NMNAT2: variants seen among roughly 807,000 people sequenced by gnomAD.
NMNAT2 encodes nicotinamide/nicotinic acid mononucleotide adenylyltransferase 2.
Under a neutral mutation model 41.6 loss-of-function variants are expected in NMNAT2, and 11 were observed. That is an observed-to-expected ratio of 0.26 (90% confidence interval 0.17 to 0.44). NMNAT2 has a LOEUF of 0.44. Ranked by LOEUF, NMNAT2 falls within the 20% of genes least tolerant of loss-of-function variation. The pLI is 1.00. For missense variants in NMNAT2, 288 were observed against 407.7 expected (o/e 0.71, Z 2.53); for synonymous variants, 148 against 151.2 (o/e 0.98, Z 0.16).
chr1:183,326,915 G>A (rs1305635907), intron 1 of NMNAT2, among the ~76,000 whole-genome samples: 1 of 152,094 alleles, frequency 6.6e-6, no homozygotes, highest in East Asian at 1.9e-4. Flanking sequence ...GACTGGGAGA[G>A]GACCAAGAAA....
chr1:183,401,932 A>AG, intron 1 of NMNAT2, among the ~76,000 whole-genome samples: 1 of 66,796 alleles, frequency 1.5e-5, no homozygotes, highest in African/African-American at 5.8e-5. Context: ...GGGTTGGGGG[A>AG]GGGGGGAGGG....
At chr1:183,356,791 A>C (rs771919826) in intron 1 of NMNAT2, among the ~76,000 whole-genome samples, 2 of 152,236 alleles carry the variant, frequency 1.3e-5, no homozygotes, top group Non-Finnish European at 2.9e-5. Context: ...TAGAAGATAG[A>C]GTTTTCTAAA....
In NMNAT2 at chr1:183,287,639, T is replaced by C. The variant is rs562351074; in HGVS notation, c.322-851A>G. Among the ~76,000 whole-genome samples, 18 of 152,332 alleles carry C rather than the reference T, an allele frequency of 1.2e-4. No individual in the cohort carries two copies. The East Asian group carries it at 3.5e-3, about 29-fold the overall frequency. On this transcript the variant is annotated intron_variant, in intron 4 of 10. Transcript: ENST00000287713. ...GGGCCAAGGTGATGGGGAGAGTAGC[T>C]GTTGGGCAACAGAGAAACAAAGGAC...
In NMNAT2 at chr1:183,293,136, G is replaced by T. The variant is rs111648438; in HGVS notation, c.175-279C>A. 1.3e-3 allele frequency among the ~76,000 whole-genome samples: 193 copies of T among 152,308 alleles called. 1 individual carries two copies. The highest frequency in any genetic ancestry group is 4.4e-3 in the African/African-American group (181 of 41,558). On this transcript the variant is annotated intron_variant, in intron 2 of 10. Coordinates refer to ENST00000287713, the MANE Select transcript of NMNAT2 (RefSeq NM_015039.4). Reference sequence around the variant, plus strand: ...CAGCCCCTGTGTGCCCTGCAGAGATGAGACTTAACTCAGCAAATGTGGCCT... The same window carrying T: ...CAGCCCCTGTGTGCCCTGCAGAGATTAGACTTAACTCAGCAAATGTGGCCT...
intron 6 of NMNAT2, among the ~76,000 whole-genome samples, 192 bp from the exon 7 acceptor site, chr1:183,284,231 G>A (rs539514815): frequency 6.6e-6 from 1 of 152,290 alleles, no homozygotes; most frequent in East Asian, 1.9e-4. Flanking sequence ...CTTTCCTCCC[G>A]CTCCAGGAGC....
At chr1:183,406,668 A>G (rs1173971882) in intron 1 of NMNAT2, among the ~76,000 whole-genome samples, 2 of 152,212 alleles carry the variant, frequency 1.3e-5, no homozygotes, top group Admixed American at 1.3e-4. Flanking sequence ...CAAACTTAAC[A>G]ATCAATAAAC....
At chr1:183,260,508 G>A (rs1161840632) in intron 10 of NMNAT2, among the ~76,000 whole-genome samples, 1 of 151,996 alleles carries the variant, frequency 6.6e-6, no homozygotes, top group Non-Finnish European at 1.5e-5. Flanking sequence ...CTAATGGACT[G>A]TCCTCCCTTT....
Position 183,412,085 on chromosome 1 carries a change from T to C in NMNAT2, c.85+6098A>G, listed in dbSNP as rs545874523. ...GGGTGGAGGTGGGGGGCAGAGTGGC[T>C]GATCATGGAGGCCTGTAGGCCATGA... On this transcript the variant is annotated intron_variant, in intron 1 of 10. Transcript: ENST00000287713. Among the ~76,000 whole-genome samples the C allele has an allele frequency of 3.3e-5, 5 of 152,328 alleles. No homozygotes were observed. The East Asian group carries it at 5.8e-4, about 18-fold the overall frequency.
intron 5 of NMNAT2, 93 bp from the exon 6 acceptor site, chr1:183,284,883 C>T (rs1316442137): frequency 4.2e-6 from 4 of 963,646 alleles, no homozygotes; most frequent in Non-Finnish European, 6.8e-6. Context: ...CCGCTGTAAA[C>T]ATCAGGGTGC....
At chr1:183,310,331 T>C (rs1422209009) in intron 1 of NMNAT2, among the ~76,000 whole-genome samples, 1 of 152,156 alleles carries the variant, frequency 6.6e-6, no homozygotes, top group Non-Finnish European at 1.5e-5. Context: ...AAATGCAGAG[T>C]ACAACATCAT....
intron 1 of NMNAT2, among the ~76,000 whole-genome samples, chr1:183,408,092 C>T (rs2702187): frequency 0.035 from 5,259 of 152,268 alleles, 223 homozygotes; most frequent in African/African-American, 0.11. Context: ...GAAAATTGTT[C>T]GTTAAACAGT....
At chr1:183,358,981 C>T (rs143267156) in intron 1 of NMNAT2, among the ~76,000 whole-genome samples, 6 of 152,108 alleles carry the variant, frequency 3.9e-5, no homozygotes, top group South Asian at 2.1e-4. Flanking sequence ...TGAGCAGATA[C>T]GCCAACAGAA....
At chr1:183,318,185 A>T (rs1345150062) in intron 1 of NMNAT2, among the ~76,000 whole-genome samples, 4 of 151,782 alleles carry the variant, frequency 2.6e-5, no homozygotes, top group Admixed American at 6.6e-5. Context: ...TCTCTGCCTC[A>T]CCTCCCCAGC....
chr1:183,331,559 T>C (rs1465307388), intron 1 of NMNAT2, among the ~76,000 whole-genome samples: 4 of 152,208 alleles, frequency 2.6e-5, no homozygotes, highest in African/African-American at 9.6e-5. Flanking sequence ...AGTCTTTCTT[T>C]TTCCAACTCC....
At chr1:183,317,762 AC>A (rs1662283811) in intron 1 of NMNAT2, among the ~76,000 whole-genome samples, 1 of 152,048 alleles carries the variant, frequency 6.6e-6, no homozygotes, top group Non-Finnish European at 1.5e-5. Flanking sequence ...GGATTCATGA[AC>A]CCCCACCCAA....
chr1:183,320,622 T>C (rs1255600140), intron 1 of NMNAT2, among the ~76,000 whole-genome samples: 1 of 152,174 alleles, frequency 6.6e-6, no homozygotes, highest in Non-Finnish European at 1.5e-5. Flanking sequence ...AAAATTTCTT[T>C]GTGAATTACT....
intron 1 of NMNAT2, among the ~76,000 whole-genome samples, chr1:183,311,078 C>A (rs1467312335): frequency 6.6e-6 from 1 of 152,092 alleles, no homozygotes; most frequent in African/African-American, 2.4e-5. Context: ...AGTGAGGTGC[C>A]CTGGTCTAGA....
intron 1 of NMNAT2, among the ~76,000 whole-genome samples, chr1:183,405,508 C>T (rs999629994): frequency 3.9e-5 from 6 of 152,158 alleles, no homozygotes; most frequent in African/African-American, 1.4e-4. Context: ...GTATCCACCT[C>T]TGTTGGGACA....
At chr1:183,363,905 G>A (rs748155973) in intron 1 of NMNAT2, among the ~76,000 whole-genome samples, 75 of 152,210 alleles carry the variant, frequency 4.9e-4, no homozygotes, top group Non-Finnish European at 6.0e-4. Context: ...TGAATGGATA[G>A]AATGTTTAAT....
Sources: gnomAD v4.1 joint callset for allele counts (sites outside exome capture counted in the v4.1 genomes callset) on GRCh38, gnomAD v4.1.1 for gene constraint, MANE v1.5 for transcripts, NCBI Gene and HGNC (gene_info 2026-07-23, HGNC 2026-07-21) for gene names.